The following EZH2 variants were observed in gnomAD, a reference collection of about 807,000 sequenced individuals.
The protein encoded by EZH2 is enhancer of zeste 2 polycomb repressive complex 2 subunit.
In EZH2, 18 loss-of-function variants were observed where a neutral mutation model predicts 98.4. The ratio of observed to expected loss-of-function variants is 0.18; its 90% CI spans 0.13 to 0.27. The LOEUF (loss-of-function observed/expected upper bound fraction) is 0.27, where lower values mean the gene tolerates loss of function less well. Among genes scored for constraint, EZH2 ranks in the 10% least tolerant of loss-of-function variants. The probability of loss-of-function intolerance (pLI) is 1.00; values close to 1 mark genes in which losing one functional copy is unlikely to be tolerated. For synonymous variants in EZH2, 338 were observed against 312.3 expected, an observed-to-expected ratio of 1.08 and a Z score of -0.87; for missense variants, 470 against 935.1, an observed-to-expected ratio of 0.50 and a Z score of 6.49.
Position 148,814,157 on chromosome 7 carries a change from G to A in EZH2, c.1673-20C>T, listed in dbSNP as rs1395657405. ...TTTGACCTTCAGAGAGAGGTTTGGA[G>A]GTTCTTCACTCATCACCGTATGCAA... On this transcript the variant is annotated intron_variant, in intron 14 of 19. Transcript: ENST00000320356. 1.4e-5 allele frequency: 22 copies of A among 1,609,466 alleles called. No individual in the cohort carries two copies. Among genetic ancestry groups the A allele is most frequent in the Non-Finnish European group, 1.7e-5 (20 of 1,177,612 alleles).
At chr7:148,883,488 G>A (rs2129496754) in intron 1 of EZH2, 1 of 151,586 alleles carries the variant, frequency 6.6e-6, no homozygotes, top group Non-Finnish European at 1.5e-5. Flanking sequence ...GCTACTCCGA[G>A]TTCCCCGCCG....
At chr7:148,829,654 C>T in intron 5 of EZH2, 74 bp downstream of exon 5, 1 of 1,531,026 alleles carries the variant, frequency 6.5e-7, no homozygotes, top group South Asian at 1.2e-5. Context: ...TTCTCATGCC[C>T]TATATGCTTC....
intron 19 of EZH2, among the ~76,000 whole-genome samples, chr7:148,808,723 A>T (rs1222879494): frequency 6.6e-6 from 1 of 152,276 alleles, no homozygotes; most frequent in East Asian, 1.9e-4. Flanking sequence ...GTTGCAGAAA[A>T]ATCTATAGGA....
chr7:148,825,456 A>T (rs1807422666), intron 8 of EZH2, among the ~76,000 whole-genome samples: 1 of 152,238 alleles, frequency 6.6e-6, no homozygotes, highest in African/African-American at 2.4e-5. Context: ...TCACACACAA[A>T]AACAAAACTT....
chr7:148,880,491 A>G (rs897254534), intron 1 of EZH2, among the ~76,000 whole-genome samples: 9 of 152,220 alleles, frequency 5.9e-5, no homozygotes, highest in Non-Finnish European at 1.2e-4. Flanking sequence ...AATTAAGCAA[A>G]TACTATTACT....
In EZH2 at chr7:148,817,905, CTCT is replaced by C. The variant is rs775039041; in HGVS notation, c.1209_1211del (p.Glu404del). 2.7e-5 allele frequency: 43 copies of C among 1,614,048 alleles called. No individual in the cohort carries two copies. The highest frequency in any genetic ancestry group is 5.5e-5 in the South Asian group (5 of 91,078). ...AGGAGCTCGAAGTTTCATCTTTCTTCTCTTCTTCTTCTTTATCATTGTTCTCTC... is the reference window on the plus strand; with the variant it reads ...AGGAGCTCGAAGTTTCATCTTTCTTCTCTTCTTCTTTATCATTGTTCTCTC... On this transcript the variant is annotated inframe_deletion, in exon 10 of 20. Transcript: ENST00000320356.
At chr7:148,843,721 C>G (rs982951878) in intron 3 of EZH2, among the ~76,000 whole-genome samples, 3 of 149,294 alleles carry the variant, frequency 2.0e-5, no homozygotes, top group Non-Finnish European at 3.0e-5. Context: ...TCAGCCTCCC[C>G]AGTAGCTGGG....
chr7:148,869,913 G>T (rs761657608), intron 1 of EZH2, among the ~76,000 whole-genome samples: 37 of 152,182 alleles, frequency 2.4e-4, no homozygotes, highest in Non-Finnish European at 1.5e-4. Context: ...CTACTGGTGG[G>T]ATGTAGCCCT....
chr7:148,835,490 T>C (rs934464284), intron 3 of EZH2, among the ~76,000 whole-genome samples: 1 of 151,704 alleles, frequency 6.6e-6, no homozygotes, highest in African/African-American at 2.4e-5. Context: ...CAACAACTTA[T>C]TAATACTACC....
chr7:148,855,072 T>G lies in EZH2; in HGVS notation c.-7-7767A>C, dbSNP rs144112918. 1.5e-3 allele frequency among the ~76,000 whole-genome samples: 228 copies of G among 152,360 alleles called. 3 individuals are homozygous for G. The highest frequency in any genetic ancestry group is 0.01 in the Middle Eastern group (3 of 294). On this transcript the variant is annotated intron_variant, in intron 1 of 19. Coordinates refer to ENST00000320356, the MANE Select transcript of EZH2 (RefSeq NM_004456.5). ...GAATCCAGGAGAAGCAGGCACGCAG[T>G]GCCATGCACTGGGCACTAGAATCAG...
At chr7:148,809,803 C>T (rs73745390) in intron 17 of EZH2, among the ~76,000 whole-genome samples, 3,657 of 152,276 alleles carry the variant, frequency 0.024, 138 homozygotes, top group African/African-American at 0.084. Context: ...CTAAGAGTTT[C>T]TCTGAATATC....
intron 1 of EZH2, among the ~76,000 whole-genome samples, chr7:148,852,683 T>C (rs1473322656): frequency 6.6e-6 from 1 of 152,136 alleles, no homozygotes; most frequent in Non-Finnish European, 1.5e-5. Flanking sequence ...AGTCAACAAC[T>C]ACAAAAAACA....
intron 1 of EZH2, among the ~76,000 whole-genome samples, chr7:148,851,223 C>T (rs934648101): frequency 1.3e-5 from 2 of 151,974 alleles, no homozygotes; most frequent in African/African-American, 4.8e-5. Flanking sequence ...ATCAAGAAAC[C>T]CCCCGCAAAA....
At chr7:148,817,093 A>G (rs1203078098) in intron 11 of EZH2, 129 bp downstream of exon 11, 2 of 905,096 alleles carry the variant, frequency 2.2e-6, no homozygotes, top group African/African-American at 1.7e-5. Context: ...TTGGGAAGAA[A>G]AAAAAATTAT....
At chr7:148,815,857 A>T (rs1804408688) in intron 12 of EZH2, among the ~76,000 whole-genome samples, 1 of 152,246 alleles carries the variant, frequency 6.6e-6, no homozygotes, top group South Asian at 2.1e-4. Flanking sequence ...TGTGGATGAC[A>T]CTGATCACTT....
intron 1 of EZH2, among the ~76,000 whole-genome samples, chr7:148,873,507 A>AAAAAG (rs1554427018): frequency 6.9e-6 from 1 of 145,530 alleles, no homozygotes; most frequent in African/African-American, 2.5e-5. Context: ...AAAAAAAAAA[A>AAAAAG]AAAGAAAGAT....
intron 1 of EZH2, among the ~76,000 whole-genome samples, chr7:148,860,921 C>A (rs1042435772): frequency 1.3e-5 from 2 of 152,114 alleles, no homozygotes; most frequent in Admixed American, 1.3e-4. Flanking sequence ...AATCACCTCA[C>A]CTTGGCCTCC....
rs927270462 is a variant in EZH2 at position 148,864,170 on chromosome 7, C to T, written c.-7-16865G>A. Among the ~76,000 whole-genome samples, 15 of 152,156 alleles carry T rather than the reference C, an allele frequency of 9.9e-5. No homozygotes were observed. In the South Asian group the frequency reaches 1.7e-3, roughly 17 times the overall value. On this transcript the variant is annotated intron_variant, in intron 1 of 19. Transcript: ENST00000320356. Reference sequence around the variant, plus strand: ...TTCTGCAGTGATATATTTTCCACAACAGTAAGATCACTTTCCTCCTTCCAG... The same window carrying T: ...TTCTGCAGTGATATATTTTCCACAATAGTAAGATCACTTTCCTCCTTCCAG...
intron 19 of EZH2, 139 bp from the exon 20 acceptor site, chr7:148,807,845 A>C (rs1434802894): frequency 4.2e-5 from 26 of 623,576 alleles, no homozygotes; most frequent in East Asian, 2.8e-5. Flanking sequence ...AACCCATCCA[A>C]TTACACAGCT....
Sources: allele counts gnomAD v4.1 joint callset (sites outside exome capture counted in the v4.1 genomes callset), GRCh38; gene constraint gnomAD v4.1.1; transcripts MANE v1.5; gene names NCBI Gene and HGNC (gene_info 2026-07-23, HGNC 2026-07-21).